CHADL: variants seen among roughly 807,000 people sequenced by gnomAD.
The protein encoded by CHADL is chondroadherin like.
Under a neutral mutation model 52.1 loss-of-function variants are expected in CHADL, and 48 were observed. That is an observed-to-expected ratio of 0.92 (90% CI 0.73 to 1.17). The LOEUF is 1.17. Ranked by LOEUF, CHADL falls within the 50% of genes most tolerant of loss-of-function variation. The pLI, the probability that CHADL is intolerant of heterozygous loss-of-function variation, is 0.00. For missense variants in CHADL, 977 were observed against 1,035.1 expected, an observed-to-expected ratio of 0.94 and a Z score of 0.77; for synonymous variants, 498 against 511.2, an observed-to-expected ratio of 0.97 and a Z score of 0.35.
intron 4 of CHADL, among the ~76,000 whole-genome samples, chr22:41,235,985 C>T (rs1025883832): frequency 3.2e-4 from 48 of 152,126 alleles, no homozygotes; most frequent in African/African-American, 1.1e-3. Context: ...AATTCTCCTG[C>T]CTCAGCCTCC....
At chr22:41,240,713 T>C in intron 1 of CHADL, 161 bp downstream of exon 1, 4 of 762,450 alleles carry the variant, frequency 5.2e-6, no homozygotes, top group South Asian at 1.7e-5. Context: ...TTGCCACGTG[T>C]CTCAGAGCCC....
intron 5 of CHADL, among the ~76,000 whole-genome samples, chr22:41,234,395 A>ATTATT (rs1376614792): frequency 4.0e-5 from 6 of 148,988 alleles, no homozygotes; most frequent in African/African-American, 1.2e-4. Context: ...TATTATTATT[A>ATTATT]TTATTGAGAC....
rs2032785033 is a variant in CHADL at position 41,238,181 on chromosome 22, C to T, written c.891G>A (p.Gln297=). ...GCAGCCGGCGCAGCTGGCCCGGGCC[C>T]TGCAGCGGGGGCAGGGTGTCTAGCT... ...GNQLDTLPPL[Q]GPGQLRRLRL... The change falls in exon 3 of 6, where the codon CAG becomes CAA. Residue 297 remains glutamine, a synonymous_variant. Coordinates refer to ENST00000216241, the MANE Select transcript of CHADL (RefSeq NM_138481.2). This position sits in a 1 kb window ranked among gnomAD's most constrained non-coding sequence, Gnocchi z 4.9. 5 of 1,506,762 alleles carry T rather than the reference C, an allele frequency of 3.3e-6. No homozygotes were observed. In the African/African-American group the frequency reaches 4.3e-5, roughly 13 times the overall value. The allele number at this position is 1,506,762 out of a possible 1,614,324, so 93.3% of individuals were successfully genotyped here.
At chr22:41,232,415 G>A (rs1315202723) in intron 5 of CHADL, among the ~76,000 whole-genome samples, 1 of 152,080 alleles carries the variant, frequency 6.6e-6, no homozygotes, top group East Asian at 1.9e-4. Flanking sequence ...CTAGTCGTGA[G>A]TCAGTCATTC....
intron 5 of CHADL, chr22:41,230,079 G>GT: frequency 3.8e-6 from 2 of 532,754 alleles, no homozygotes; most frequent in South Asian, 3.4e-5. Context: ...CAGCTCCTCC[G>GT]CCCCCACCCC....
chr22:41,231,827 C>T (rs1244160430), intron 5 of CHADL, among the ~76,000 whole-genome samples: 2 of 151,226 alleles, frequency 1.3e-5, no homozygotes, highest in Non-Finnish European at 2.9e-5. Flanking sequence ...CTTCAGGAAC[C>T]TGCCCTGCCT....
In CHADL at chr22:41,239,429, C is replaced by T. The variant is rs1406048720; in HGVS notation, c.186+14G>A. 1.9e-6 allele frequency: 3 copies of T among 1,549,808 alleles called. No homozygotes were observed. In the African/African-American group the frequency reaches 4.1e-5, roughly 21 times the overall value. ...CCCACTGCCACTCTGTGCCTGTGCT[C>T]CTGCCCTGCTGACCTCAGGGATGGC... On this transcript the variant is annotated intron_variant, in intron 2 of 5. Transcript: ENST00000216241.
At chr22:41,240,749 A>G in intron 1 of CHADL, 125 bp downstream of exon 1, 1 of 1,129,318 alleles carries the variant, frequency 8.9e-7, no homozygotes, top group Non-Finnish European at 1.3e-6. Context: ...CTTCCTGGAG[A>G]ACCCCAGGAA....
At chr22:41,234,548 A>ATTTT (rs1234465636) in intron 5 of CHADL, among the ~76,000 whole-genome samples, 3 of 139,274 alleles carry the variant, frequency 2.2e-5, no homozygotes, top group Admixed American at 1.4e-4. Context: ...CGCCCAGCTA[A>ATTTT]TTTTTTTTTT....
intron 5 of CHADL, among the ~76,000 whole-genome samples, chr22:41,232,064 G>A (rs1009169643): frequency 6.6e-6 from 1 of 152,192 alleles, no homozygotes; most frequent in Non-Finnish European, 1.5e-5. Context: ...CGGGCGCGGT[G>A]GCTCACGCCT....
At chr22:41,234,990 C>T (rs994303279) in intron 5 of CHADL, 155 bp downstream of exon 5, 11 of 772,986 alleles carry the variant, frequency 1.4e-5, no homozygotes, top group African/African-American at 5.2e-5. Context: ...CGCCCAGCCT[C>T]GGATGGACAT....
intron 4 of CHADL, 81 bp from the exon 5 acceptor site, chr22:41,235,424 G>A (rs561129962): frequency 1.9e-5 from 22 of 1,175,874 alleles, no homozygotes; most frequent in Non-Finnish European, 2.6e-5. Flanking sequence ...TGGGTGTGGG[G>A]CAGGGTTGGT....
At chr22:41,231,118 C>T (rs1198497142) in intron 5 of CHADL, 1 of 152,152 alleles carries the variant, frequency 6.6e-6, no homozygotes, top group East Asian at 1.9e-4. Flanking sequence ...CCTTTTGTTC[C>T]TACCTAAATG....
Position 41,240,361 on chromosome 22 carries a change from G to A in CHADL, c.8+513C>T, listed in dbSNP as rs1209246900. Among the ~76,000 whole-genome samples, 41 of 152,178 alleles carry A rather than the reference G, an allele frequency of 2.7e-4. 1 individual carries two copies. The highest frequency in any genetic ancestry group is 8.8e-5 in the Non-Finnish European group (6 of 68,028). The stretch of plus-strand genomic sequence containing the variant: ...CCACCTTGGCCTCCCAAAGCGCTAG[G>A]ATGATAGATCACCTCCCCTGCCCAG... On this transcript the variant is annotated intron_variant, in intron 1 of 5. Transcript: ENST00000216241.
intron 5 of CHADL, chr22:41,230,181 C>G: frequency 6.2e-7 from 1 of 1,610,904 alleles, no homozygotes; most frequent in Non-Finnish European, 8.5e-7. Flanking sequence ...GACGTGGCCT[C>G]GCCCGACAAG....
At chr22:41,232,067 T>A (rs1003791504) in intron 5 of CHADL, among the ~76,000 whole-genome samples, 4 of 152,004 alleles carry the variant, frequency 2.6e-5, no homozygotes, top group African/African-American at 9.7e-5. Flanking sequence ...GCGCGGTGGC[T>A]CACGCCTGTA....
rs1297416702 is a variant in CHADL at position 41,237,194 on chromosome 22, G to A, written c.1878C>T (p.Asn626=). 9 of 1,544,982 alleles carry A rather than the reference G, an allele frequency of 5.8e-6. No individual in the cohort carries two copies. The highest frequency in any genetic ancestry group is 2.5e-5 in the East Asian group (1 of 40,798). ...TGCCCACCTGCTCCAGGCCACTGCTGTTCAGGAAGAGGTGCTGCAGCGACC... is the reference window on the plus strand; with the variant it reads ...TGCCCACCTGCTCCAGGCCACTGCTATTCAGGAAGAGGTGCTGCAGCGACC... ...VGRSLQHLFL[N]SSGLEQICPG... is the part of the protein sequence containing the mutation. Residue 626 remains asparagine, a synonymous_variant, in exon 3 of 6, where the codon AAC becomes AAT. Transcript: ENST00000216241.
rs151067028 is a variant in CHADL, at chr22:41,231,571, A to C, written c.2263-1841T>G. Reference sequence around the variant, plus strand: ...GTGTGTGTGAAATGGGAATGTGCGCATGACCACGTGTTGCTGGTGCCTAGA... The same window carrying C: ...GTGTGTGTGAAATGGGAATGTGCGCCTGACCACGTGTTGCTGGTGCCTAGA... On this transcript the variant is annotated intron_variant, in intron 5 of 5. Coordinates refer to ENST00000216241, the MANE Select transcript of CHADL (RefSeq NM_138481.2). Among the ~76,000 whole-genome samples, 15 of 152,378 alleles carry C rather than the reference A, an allele frequency of 9.8e-5. No homozygotes were observed. The East Asian group carries it at 2.9e-3, about 29-fold the overall frequency.
chr22:41,235,409 G>A, intron 4 of CHADL, 66 bp from the exon 5 acceptor site: 1 of 1,350,360 alleles, frequency 7.4e-7, no homozygotes, highest in African/African-American at 1.4e-5. Flanking sequence ...GGAGCAGGTG[G>A]GCACTGGGTG....
Sources: gnomAD v4.1 joint callset for allele counts (sites outside exome capture counted in the v4.1 genomes callset) on GRCh38, gnomAD v4.1.1 for gene constraint, Gnocchi (gnomAD v3.1) non-coding constraint, MANE v1.5 for transcripts, NCBI Gene and HGNC (gene_info 2026-07-23, HGNC 2026-07-21) for gene names.